The following PRRC2C variants were observed in gnomAD, a reference collection of about 807,000 sequenced individuals.
The protein encoded by PRRC2C is proline rich coiled-coil 2C, also known as protein PRRC2C.
In PRRC2C, 72 loss-of-function variants were observed where a neutral mutation model predicts 317.2. That is an observed-to-expected ratio of 0.23 (90% CI 0.19 to 0.28). PRRC2C has a LOEUF of 0.28. PRRC2C is among the 10% of genes least tolerant of loss of function. The pLI is 1.00. For synonymous variants in PRRC2C, 1,296 were observed against 1,205.9 expected, an observed-to-expected ratio of 1.07 and a Z score of -1.55; for missense variants, 3,074 against 3,459.7, an observed-to-expected ratio of 0.89 and a Z score of 2.80.
intron 24 of PRRC2C, among the ~76,000 whole-genome samples, chr1:171,573,673 C>CT (rs1024285954): frequency 0.033 from 2,796 of 85,762 alleles, 197 homozygotes; most frequent in African/African-American, 0.059. Context: ...TCTCAAAATT[C>CT]TTTTTTTTTT....
Position 171,576,247 on chromosome 1 carries a change from T to G in PRRC2C, c.6955+1119T>G, listed in dbSNP as rs138968142. On this transcript the variant is annotated intron_variant, in intron 25 of 34. Coordinates refer to ENST00000647382, the MANE Select transcript of PRRC2C (RefSeq NM_001387844.1). ...GTGTAAAGGAAACAGGAGAGTATGG[T>G]AGGAAGATCTGGAAATAATGGTTCC... Among the ~76,000 whole-genome samples the G allele has an allele frequency of 3.9e-3, 587 of 152,302 alleles. 3 individuals carry two copies. Among genetic ancestry groups the G allele is most frequent in the African/African-American group, 0.013 (536 of 41,568 alleles).
In PRRC2C at chr1:171,523,226, T is replaced by C; in HGVS notation, c.839T>C (p.Leu280Pro). The C allele has an allele frequency of 7.5e-6, 12 of 1,610,162 alleles. No individual in the cohort carries two copies. Among genetic ancestry groups the C allele is most frequent in the Non-Finnish European group, 1.0e-5 (12 of 1,178,438 alleles). Residue 280 changes from leucine (L) to proline (P), a missense_variant, in exon 8 of 35, where the codon CTT becomes CCT. Transcript: ENST00000647382. ...PPSLSETNKG[L>P]RGRGPPPSWA... ...CATGACCTGCCTTTCATTAGAGGCCTTCGAGGAAGAGGCCCACCTCCTTCA... is the reference window on the plus strand; with the variant it reads ...CATGACCTGCCTTTCATTAGAGGCCCTCGAGGAAGAGGCCCACCTCCTTCA...
At chr1:171,496,329 AG>A (rs1445427474) in intron 1 of PRRC2C, among the ~76,000 whole-genome samples, 1 of 146,236 alleles carries the variant, frequency 6.8e-6, no homozygotes, top group Admixed American at 7.1e-5. Flanking sequence ...CAGCCTCCCT[AG>A]TAGCTGAGAC....
chr1:171,588,333 A>G (rs1274918429), intron 32 of PRRC2C, 46 bp from the exon 33 acceptor site: 2 of 1,588,428 alleles, frequency 1.3e-6, no homozygotes, highest in South Asian at 2.3e-5. Flanking sequence ...TAACAGCATT[A>G]TTTACTTGGT....
At chr1:171,513,255 T>A (rs1671699491) in intron 3 of PRRC2C, 83 bp downstream of exon 3, 4 of 1,332,822 alleles carry the variant, frequency 3.0e-6, no homozygotes, top group Non-Finnish European at 2.1e-6. Context: ...ATTTGCTAAG[T>A]GTTATGCTGT....
At chr1:171,512,231 TC>T (rs1488701725) in intron 2 of PRRC2C, 31 bp downstream of exon 2, 1 of 1,429,110 alleles carries the variant, frequency 7.0e-7, no homozygotes, top group East Asian at 2.5e-5. Flanking sequence ...CTTATGTTTT[TC>T]ATGGTTTGTT....
intron 17 of PRRC2C, 119 bp from the exon 18 acceptor site, chr1:171,549,967 A>G: frequency 1.4e-6 from 1 of 725,036 alleles, no homozygotes; most frequent in East Asian, 2.8e-5. Flanking sequence ...ACTATAAGTT[A>G]TAGGAACTAG....
At chr1:171,524,480 A>G (rs1050500510) in intron 9 of PRRC2C, among the ~76,000 whole-genome samples, 1 of 152,228 alleles carries the variant, frequency 6.6e-6, no homozygotes, top group Non-Finnish European at 1.5e-5. Flanking sequence ...ATTAAATCAG[A>G]ATAAATTAGA....
intron 34 of PRRC2C, chr1:171,591,029 T>A (rs890239611): frequency 1.5e-5 from 4 of 262,796 alleles, no homozygotes; most frequent in African/African-American, 4.6e-5. Flanking sequence ...CGTAAGTATA[T>A]TTTTGGGGGC....
At position 171,592,041 on chromosome 1, in the gene PRRC2C, G is replaced by A; in HGVS notation, c.*194G>A. On this transcript the variant is annotated 3_prime_UTR_variant, in exon 35 of 35. Transcript: ENST00000647382. ...TACCAGTGAAAACGAGGCTTTGCAA[G>A]CTTGTACCTACTATATAACATGTGC... The A allele has an allele frequency of 1.6e-6, 1 of 622,264 alleles. No homozygotes were observed. The highest frequency in any genetic ancestry group is 2.7e-6 in the Non-Finnish European group (1 of 373,694). 38.5% of individuals were successfully genotyped at this position (622,264 alleles called of 1,614,324 possible). A position where few individuals can be genotyped will look rare whatever the true frequency, so the allele number is the denominator to read the frequency against.
rs187533879 is a variant in PRRC2C, at chr1:171,551,733, T to C, written c.5127+1493T>C. Among the ~76,000 whole-genome samples, 338 of 152,332 alleles carry C rather than the reference T, an allele frequency of 2.2e-3. 1 individual carries two copies. Among genetic ancestry groups the C allele is most frequent in the African/African-American group, 7.9e-3 (327 of 41,576 alleles). On this transcript the variant is annotated intron_variant, in intron 18 of 34. Transcript: ENST00000647382. ...TTAAATAGGGAATCCTTTCTCCATTTCTTGTTTTTGTCAGGTTTGCCAAAA... is the reference window on the plus strand; with the variant it reads ...TTAAATAGGGAATCCTTTCTCCATTCCTTGTTTTTGTCAGGTTTGCCAAAA...
chr1:171,523,569 C>A (rs1265342326), intron 9 of PRRC2C, 47 bp downstream of exon 9: 1 of 1,411,856 alleles, frequency 7.1e-7, no homozygotes, highest in East Asian at 2.3e-5. Context: ...TTTGTTGATA[C>A]AATATTAGCT....
At position 171,532,812 on chromosome 1, in the gene PRRC2C, A is replaced by G. The variant is rs774744495; in HGVS notation, c.1724A>G (p.Lys575Arg). 4 of 1,585,584 alleles carry G rather than the reference A, an allele frequency of 2.5e-6. No homozygotes were observed. Among genetic ancestry groups the G allele is most frequent in the Admixed American group, 1.9e-5 (1 of 53,532 alleles). The change falls in exon 12 of 35, where the codon AAG (lysine) becomes AGG (arginine). Residue 575 changes from lysine (K) to arginine (R), a missense_variant. By Grantham distance (26) the Lys-to-Arg change is conservative (BLOSUM62 2). Coordinates refer to ENST00000647382, the MANE Select transcript of PRRC2C (RefSeq NM_001387844.1). The stretch of plus-strand genomic sequence containing the variant: ...AAAGAACTAGAACGGCAGAAAGAAA[A>G]GGAAAAAGAACTACAAAAGATGAAA... ...KEKELERQKE[K>R]EKELQKMKEQ...
chr1:171,521,859 C>T (rs187107352), intron 6 of PRRC2C, among the ~76,000 whole-genome samples: 77 of 152,250 alleles, frequency 5.1e-4, no homozygotes, highest in African/African-American at 1.8e-3. Flanking sequence ...TTTTACATTA[C>T]ATATCTCATT....
At chr1:171,582,583 C>G (rs2102846251) in intron 28 of PRRC2C, among the ~76,000 whole-genome samples, 1 of 152,292 alleles carries the variant, frequency 6.6e-6, no homozygotes, top group South Asian at 2.1e-4. Context: ...TAAACCCGTG[C>G]AGCATTTTAC....
intron 34 of PRRC2C, 23 bp from the exon 35 acceptor site, chr1:171,591,564 G>A: frequency 6.2e-7 from 1 of 1,606,068 alleles, no homozygotes; most frequent in Non-Finnish European, 8.5e-7. Context: ...AGTATTTTCA[G>A]TTGTTCTTTC....
At position 171,577,449 on chromosome 1, in the gene PRRC2C, C is replaced by T; in HGVS notation, c.6971C>T (p.Thr2324Ile). Residue 2324 changes from threonine (T) to isoleucine (I), a missense_variant, in exon 26 of 35, where the codon ACT becomes ATT. Thr to Ile is a moderately conservative substitution (Grantham distance 89). Transcript: ENST00000647382. ...CCAAATATAGGAGCTGGTACATACA[C>T]TACCTCTTCTTTGAGCACAAAATCT... ...TASLSGAGTY[T>I]TSSLSTKSTT... is the part of the protein sequence containing the mutation. The T allele has an allele frequency of 1.9e-6, 3 of 1,607,492 alleles. No homozygotes were observed. The highest frequency in any genetic ancestry group is 2.6e-6 in the Non-Finnish European group (3 of 1,174,510).
At chr1:171,513,786 CTT>C (rs1671815224) in intron 3 of PRRC2C, among the ~76,000 whole-genome samples, 2 of 152,116 alleles carry the variant, frequency 1.3e-5, no homozygotes, top group Admixed American at 1.3e-4. Flanking sequence ...TTGCCTATCT[CTT>C]ATCAAAATTC....
chr1:171,550,466 CTTT>C (rs11299449), intron 18 of PRRC2C, among the ~76,000 whole-genome samples: 3 of 145,778 alleles, frequency 2.1e-5, no homozygotes, highest in Non-Finnish European at 1.5e-5. Context: ...CAAAGACCAT[CTTT>C]TTTTTTTTTT....
Sources: allele counts gnomAD v4.1 joint callset (sites outside exome capture counted in the v4.1 genomes callset), GRCh38; gene constraint gnomAD v4.1.1; transcripts MANE v1.5; gene names NCBI Gene and HGNC (gene_info 2026-07-23, HGNC 2026-07-21).